Variants in CHLSN observed in about 807,000 individuals in gnomAD.
CHLSN encodes protein cholesin.
the CHLSN span, chr7:1,027,112 T>G: frequency 1.3e-5 from 2 of 152,236 alleles, no homozygotes. Context: ...AAATTAAATG[T>G]CCGTGAAGTG....
chr7:998,430 T>C, the CHLSN span, among the ~76,000 whole-genome samples: 1 of 151,814 alleles, frequency 6.6e-6, no homozygotes, highest in African/African-American at 2.4e-5. Flanking sequence ...TCCAGCTAGT[T>C]CTGTATGCAG....
chr7:1,019,148 C>T, the CHLSN span, among the ~76,000 whole-genome samples: 1,853 of 137,858 alleles, frequency 0.013, 37 homozygotes, highest in African/African-American at 0.047. Context: ...AAGCCAAGAT[C>T]GCGCCATTGC....
At chr7:1,004,081 C>T in the CHLSN span, among the ~76,000 whole-genome samples, 3 of 152,092 alleles carry the variant, frequency 2.0e-5, no homozygotes, top group Admixed American at 2.0e-4. Context: ...CACGCCAGCC[C>T]CATGTGCAGT....
At chr7:1,076,469 T>C in the CHLSN span, among the ~76,000 whole-genome samples, 2 of 152,146 alleles carry the variant, frequency 1.3e-5, no homozygotes, top group Admixed American at 6.5e-5. Context: ...GCACCGGTGG[T>C]TTCCCATGGA....
the CHLSN span, among the ~76,000 whole-genome samples, chr7:1,136,323 A>AAT: frequency 9.7e-6 from 1 of 103,420 alleles, no homozygotes; most frequent in African/African-American, 5.1e-5. Flanking sequence ...TATAAACATA[A>AAT]ATATATAAAT....
chr7:1,080,536 G>A, the CHLSN span, among the ~76,000 whole-genome samples: 1 of 152,244 alleles, frequency 6.6e-6, no homozygotes, highest in African/African-American at 2.4e-5. Flanking sequence ...GGAGGGAGGG[G>A]CTGACCACCC....
At chr7:1,059,653 AGGGGGGCG>A in the CHLSN span, among the ~76,000 whole-genome samples, 12 of 28,148 alleles carry the variant, frequency 4.3e-4, no homozygotes, top group Admixed American at 4.7e-4. Context: ...GGCAGGTCTT[AGGGGGGCG>A]GGTCCATAGT....
At chr7:1,098,591 ACGC>A in the CHLSN span, among the ~76,000 whole-genome samples, 1 of 152,102 alleles carries the variant, frequency 6.6e-6, no homozygotes, top group Admixed American at 6.6e-5. Flanking sequence ...TGGAGCTGCC[ACGC>A]TCAGTGAGAT....
chr7:1,041,941 G>A, the CHLSN span, among the ~76,000 whole-genome samples: 3 of 152,128 alleles, frequency 2.0e-5, no homozygotes, highest in Non-Finnish European at 2.9e-5. Context: ...AAAGCCTGCC[G>A]ACCCGCCTGA....
chr7:1,053,398 C>G, the CHLSN span, among the ~76,000 whole-genome samples: 1 of 152,240 alleles, frequency 6.6e-6, no homozygotes, highest in Non-Finnish European at 1.5e-5. Flanking sequence ...TGACAGGGAG[C>G]TGGGTTGGCT....
the CHLSN span, among the ~76,000 whole-genome samples, chr7:1,027,841 G>A: frequency 6.6e-6 from 1 of 152,232 alleles, no homozygotes; most frequent in Non-Finnish European, 1.5e-5. Flanking sequence ...GCCCACCCAG[G>A]GTCCTCAGAG....
At chr7:1,101,552 C>T in the CHLSN span, among the ~76,000 whole-genome samples, 2 of 152,260 alleles carry the variant, frequency 1.3e-5, no homozygotes, top group East Asian at 3.8e-4. Context: ...TATTCCTGAA[C>T]AACTTCTAGA....
chr7:1,070,327 G>A, the CHLSN span, among the ~76,000 whole-genome samples: 72 of 128,014 alleles, frequency 5.6e-4, no homozygotes, highest in Non-Finnish European at 6.0e-4. Flanking sequence ...CCCCCCGCCT[G>A]GCCAGCCGTG....
chr7:1,109,598 G>A, the CHLSN span: 1 of 152,262 alleles, frequency 6.6e-6, no homozygotes, highest in Non-Finnish European at 1.5e-5. Flanking sequence ...GTGCGAACAC[G>A]GAACAGGTGG....
the CHLSN span, among the ~76,000 whole-genome samples, chr7:1,121,658 G>A: frequency 6.6e-5 from 10 of 152,358 alleles, no homozygotes; most frequent in African/African-American, 1.9e-4. Context: ...TGTGCGAGGC[G>A]CAAGCCCCAC....
At chr7:1,015,768 A>G in the CHLSN span, among the ~76,000 whole-genome samples, 2 of 152,238 alleles carry the variant, frequency 1.3e-5, no homozygotes, top group African/African-American at 2.4e-5. Flanking sequence ...CCAAGGCAGG[A>G]GCGCATCCCA....
At chr7:1,123,077 G>A in the CHLSN span, among the ~76,000 whole-genome samples, 5 of 152,178 alleles carry the variant, frequency 3.3e-5, no homozygotes, top group Non-Finnish European at 5.9e-5. The surrounding 1 kb of genome is among the most constrained non-coding windows in gnomAD (Gnocchi z 4.4). Flanking sequence ...ACCCAGAGCC[G>A]AGACCCTGAG....
the CHLSN span, among the ~76,000 whole-genome samples, chr7:1,095,838 C>T: frequency 1.3e-5 from 2 of 152,384 alleles, no homozygotes; most frequent in Admixed American, 6.5e-5. Flanking sequence ...GGCAAAAGCA[C>T]GCCATGCAGA....
At chr7:1,110,126 G>T in the CHLSN span, among the ~76,000 whole-genome samples, 1 of 152,158 alleles carries the variant, frequency 6.6e-6, no homozygotes, top group South Asian at 2.1e-4. Context: ...AGAGGACCTC[G>T]CGCCGGCCGA....
Sources: allele counts gnomAD v4.1 joint callset (sites outside exome capture counted in the v4.1 genomes callset), GRCh38; gene constraint gnomAD v4.1.1; non-coding constraint Gnocchi (gnomAD v3.1); transcripts MANE v1.5; gene names NCBI Gene and HGNC (gene_info 2026-07-23, HGNC 2026-07-21).